GABRA2: variants seen among roughly 807,000 people sequenced by gnomAD.
GABRA2 encodes gamma-aminobutyric acid receptor subunit alpha-2.
GABRA2 carries 16 observed loss-of-function variants against 48.7 expected under a neutral mutation model. The ratio of observed to expected loss-of-function variants is 0.33; its 90% CI spans 0.22 to 0.50. The LOEUF (loss-of-function observed/expected upper bound fraction) is 0.50. GABRA2 is among the 20% of genes least tolerant of loss of function. The probability of loss-of-function intolerance (pLI) is 0.98; values close to 1 mark genes in which losing one functional copy is unlikely to be tolerated. For missense variants in GABRA2, 275 were observed against 535.6 expected, an observed-to-expected ratio of 0.51 and a Z score of 4.80; for synonymous variants, 185 against 184.5, an observed-to-expected ratio of 1.00 and a Z score of -0.02.
intron 3 of GABRA2, among the ~76,000 whole-genome samples, chr4:46,381,392 C>G (rs1428153951): frequency 1.3e-5 from 2 of 152,126 alleles, no homozygotes; most frequent in East Asian, 3.8e-4. Flanking sequence ...TTAATTCTAG[C>G]TAATCTGCAT....
intron 3 of GABRA2, among the ~76,000 whole-genome samples, chr4:46,355,029 G>A (rs1735739944): frequency 6.6e-6 from 1 of 152,024 alleles, no homozygotes; most frequent in Non-Finnish European, 1.5e-5. Context: ...CATGAACTGA[G>A]TAGACTCTTA....
At chr4:46,389,016 C>T in intron 1 of GABRA2, 2 of 1,166,920 alleles carry the variant, frequency 1.7e-6, no homozygotes, top group East Asian at 9.3e-5. Context: ...GCCTCATCGT[C>T]AGCAAACACT....
intron 8 of GABRA2, among the ~76,000 whole-genome samples, chr4:46,293,995 T>C (rs1029648244): frequency 1.5e-4 from 23 of 152,242 alleles, no homozygotes; most frequent in Non-Finnish European, 3.2e-4. Context: ...TCCTGGTACC[T>C]GGTATGCAGC....
chr4:46,262,382 A>C (rs1469844873), intron 8 of GABRA2, among the ~76,000 whole-genome samples: 1 of 152,118 alleles, frequency 6.6e-6, no homozygotes, highest in African/African-American at 2.4e-5. Context: ...ATAAAAATCA[A>C]CTTCCTTCTT....
At chr4:46,323,254 A>G (rs1246045997) in intron 4 of GABRA2, among the ~76,000 whole-genome samples, 1 of 151,858 alleles carries the variant, frequency 6.6e-6, no homozygotes, top group Admixed American at 6.6e-5. Context: ...TTTCTAACCT[A>G]ATCTCTCCCA....
chr4:46,342,745 T>G (rs1733490708), intron 3 of GABRA2, among the ~76,000 whole-genome samples: 2 of 152,094 alleles, frequency 1.3e-5, no homozygotes, highest in South Asian at 4.1e-4. Context: ...AGTCTCCAAC[T>G]CCTGGGCTCA....
chr4:46,332,307 T>G (rs77429139), intron 4 of GABRA2, among the ~76,000 whole-genome samples: 115 of 152,270 alleles, frequency 7.6e-4, no homozygotes, highest in African/African-American at 2.6e-3. Flanking sequence ...AGTCCAGAAT[T>G]CTGCCTTAAT....
chr4:46,255,289 GATA>G (rs1024658749), intron 9 of GABRA2, among the ~76,000 whole-genome samples: 43 of 145,112 alleles, frequency 3.0e-4, no homozygotes, highest in African/African-American at 9.8e-4. Flanking sequence ...AGTGTAACAA[GATA>G]ATATGTCATA....
chr4:46,326,885 C>T (rs1222120781), intron 4 of GABRA2, among the ~76,000 whole-genome samples: 2 of 151,916 alleles, frequency 1.3e-5, no homozygotes, highest in Admixed American at 1.3e-4. Context: ...CAAAACTTTT[C>T]CTGCTGTGTT....
intron 3 of GABRA2, among the ~76,000 whole-genome samples, chr4:46,363,345 TAAGA>T (rs1227781797): frequency 6.6e-6 from 1 of 152,076 alleles, no homozygotes; most frequent in Non-Finnish European, 1.5e-5. Context: ...GTCTCCAGAC[TAAGA>T]AAGACTTTAG....
At chr4:46,346,869 A>G (rs964464677) in intron 3 of GABRA2, among the ~76,000 whole-genome samples, 1 of 151,850 alleles carries the variant, frequency 6.6e-6, no homozygotes, top group Admixed American at 6.6e-5. Flanking sequence ...CACTGACAAT[A>G]TATAGAATGC....
intron 4 of GABRA2, among the ~76,000 whole-genome samples, chr4:46,313,844 C>A (rs1430217015): frequency 1.3e-5 from 2 of 151,986 alleles, no homozygotes; most frequent in Non-Finnish European, 2.9e-5. Flanking sequence ...GCAGCGATAG[C>A]AATTTTACTA....
intron 3 of GABRA2, among the ~76,000 whole-genome samples, chr4:46,356,524 A>G (rs1283621762): frequency 6.6e-6 from 1 of 152,108 alleles, no homozygotes; most frequent in African/African-American, 2.4e-5. Context: ...AAGCAATTAC[A>G]GGGTGCATGG....
intron 8 of GABRA2, among the ~76,000 whole-genome samples, chr4:46,268,758 C>CAACA (rs1718743975): frequency 6.6e-6 from 1 of 151,792 alleles, no homozygotes; most frequent in African/African-American, 2.4e-5. Context: ...TACAACACTA[C>CAACA]TTATAATAGC....
In GABRA2 at chr4:46,246,896, C is replaced by T. The variant is rs545416593; in HGVS notation, c.*3412G>A. On this transcript the variant is annotated 3_prime_UTR_variant, in exon 10 of 10. Transcript: ENST00000381620. ...CTTTCTTCTTTCATTGGAATGATGA[C>T]CGGCCATGCCAAAGAAAAGTACTTT... Among the ~76,000 whole-genome samples, 22 of 151,170 alleles carry T rather than the reference C, an allele frequency of 1.5e-4. No homozygotes were observed. The highest frequency in any genetic ancestry group is 5.3e-4 in the African/African-American group (22 of 41,438).
In GABRA2 at chr4:46,274,450, T is replaced by C. The variant is rs116566842; in HGVS notation, c.857-12322A>G. Among the ~76,000 whole-genome samples the C allele has an allele frequency of 4.5e-3, 688 of 152,216 alleles. 6 individuals are homozygous for C. The highest frequency in any genetic ancestry group is 0.016 in the African/African-American group (650 of 41,564). On this transcript the variant is annotated intron_variant, in intron 8 of 9. Coordinates refer to ENST00000381620, the MANE Select transcript of GABRA2 (RefSeq NM_000807.4). ...GTGAAGTTGCTAAGATCTTTATGAA[T>C]TTTAAAGTTGCATCATACATTAAAG... is the stretch of plus-strand genomic sequence containing the variant.
At chr4:46,318,634 A>G (rs1728938996) in intron 4 of GABRA2, among the ~76,000 whole-genome samples, 1 of 151,664 alleles carries the variant, frequency 6.6e-6, no homozygotes, top group African/African-American at 2.4e-5. Flanking sequence ...AAATTTACCA[A>G]AAAAATAAAA....
At chr4:46,345,875 TG>T (rs374348083) in intron 3 of GABRA2, among the ~76,000 whole-genome samples, 2 of 152,006 alleles carry the variant, frequency 1.3e-5, no homozygotes, top group African/African-American at 4.8e-5. Flanking sequence ...TAAGTTATAC[TG>T]TCTTCATCCC....
rs71652883 is a variant in GABRA2 at position 46,382,193 on chromosome 4, C to CATATAT, written c.187+3875_187+3880dup. Among the ~76,000 whole-genome samples, 1,431 of 148,414 alleles carry CATATAT rather than the reference C, an allele frequency of 9.6e-3. 26 individuals are homozygous for CATATAT. Among genetic ancestry groups the CATATAT allele is most frequent in the African/African-American group, 0.033 (1,348 of 40,398 alleles). On this transcript the variant is annotated intron_variant, in intron 3 of 9. Coordinates refer to ENST00000381620, the MANE Select transcript of GABRA2 (RefSeq NM_000807.4). ...ACACAAACATACACACACACACACA[C>CATATAT]ATATATATATATATATAAAGTGCTA...
Sources: gnomAD v4.1 joint callset for allele counts (sites outside exome capture counted in the v4.1 genomes callset) on GRCh38, gnomAD v4.1.1 for gene constraint, MANE v1.5 for transcripts, NCBI Gene and HGNC (gene_info 2026-07-23, HGNC 2026-07-21) for gene names.